GATAD1: variants seen among roughly 807,000 people sequenced by gnomAD.
The protein encoded by GATAD1 is GATA zinc finger domain-containing protein 1.
In GATAD1, 12 loss-of-function variants were observed where a neutral mutation model predicts 26.5. The observed-to-expected ratio is 0.45, with a 90% CI of 0.29 to 0.73. The LOEUF (loss-of-function observed/expected upper bound fraction) is 0.73. Ranked by LOEUF, GATAD1 falls within the 30% of genes least tolerant of loss-of-function variation. GATAD1 has a pLI of 0.10. For synonymous variants in GATAD1, 129 were observed against 133.1 expected (o/e 0.97, Z 0.21); for missense variants, 266 against 342.1 (o/e 0.78, Z 1.75).
At chr7:92,493,037 G>T in the GATAD1 span, 3 of 1,611,206 alleles carry the variant, frequency 1.9e-6, no homozygotes. Flanking sequence ...CTCCAGTAAA[G>T]GAGTCAGTTA....
At position 92,447,960 on chromosome 7, in the gene GATAD1, G is replaced by A; in HGVS notation, c.231G>A (p.Gly77=). 1 of 1,224,262 alleles carries A rather than the reference G, an allele frequency of 8.2e-7. No individual in the cohort carries two copies. Among genetic ancestry groups the A allele is most frequent in the South Asian group, 4.0e-5 (1 of 24,972 alleles). The allele number at this position is 1,224,262 out of a possible 1,614,324, so 75.8% of individuals were successfully genotyped here. The change falls in exon 1 of 5, where the codon GGG becomes GGA. Residue 77 remains glycine, a synonymous_variant. Transcript: ENST00000287957. ...STSATPPQSN[G]GGGGKQSKQE... is the part of the protein sequence containing the mutation. ...CCGCCACCCCTCCGCAGAGCAACGG[G>A]GGCGGGGGCGGCAAGCAGGTGAGCT... is the stretch of plus-strand genomic sequence containing the variant.
intron 1 of GATAD1, among the ~76,000 whole-genome samples, chr7:92,448,356 C>T (rs560173297): frequency 1.3e-5 from 2 of 152,230 alleles, no homozygotes; most frequent in South Asian, 4.2e-4. Context: ...TTAAGTATTC[C>T]GTTGCAGGGG....
In GATAD1 at chr7:92,449,686, T is replaced by A. The variant is rs553638256; in HGVS notation, c.375+809T>A. 20 of 716,428 alleles carry A rather than the reference T, an allele frequency of 2.8e-5. No homozygotes were observed. The South Asian group carries it at 6.3e-4, about 22-fold the overall frequency. 44.4% of individuals were successfully genotyped at this position (716,428 alleles called of 1,614,324 possible). A position where few individuals can be genotyped will look rare whatever the true frequency, so the allele number is the denominator to read the frequency against. On this transcript the variant is annotated intron_variant, in intron 2 of 4. Transcript: ENST00000287957. ...GCAGACTATTTTCTTTTTTTTTTTT[T>A]AATTTAATTTAATGAATTTTTTTTA...
the GATAD1 span, among the ~76,000 whole-genome samples, chr7:92,479,194 G>T: frequency 4.6e-5 from 7 of 152,122 alleles, no homozygotes; most frequent in African/African-American, 1.7e-4. Context: ...CCGTGTTGTT[G>T]TCACCCCCGT....
At chr7:92,476,058 CATCT>C in the GATAD1 span, among the ~76,000 whole-genome samples, 3 of 152,160 alleles carry the variant, frequency 2.0e-5, no homozygotes, top group Non-Finnish European at 4.4e-5. Flanking sequence ...TGGGAGGAAC[CATCT>C]ATCGTCCTGT....
chr7:92,489,203 T>A, the GATAD1 span: 1 of 1,190,452 alleles, frequency 8.4e-7, no homozygotes. Flanking sequence ...CAAAATATTT[T>A]TATTTTAAAC....
At chr7:92,460,135 C>A (rs1789866130), downstream of GATAD1, among the ~76,000 whole-genome samples, 1 of 151,934 alleles carries the variant, frequency 6.6e-6, no homozygotes, top group African/African-American at 2.4e-5. Flanking sequence ...AAGTTTTCCA[C>A]TTCAGCCGTA....
rs976516793 is a variant in GATAD1 at position 92,447,816 on chromosome 7, C to T, written c.87C>T (p.Leu29=). The T allele has an allele frequency of 6.1e-6, 9 of 1,486,196 alleles. No individual in the cohort carries two copies. The highest frequency in any genetic ancestry group is 1.7e-4 in the Middle Eastern group (1 of 5,826). 92.1% of individuals were successfully genotyped at this position (1,486,196 alleles called of 1,614,324 possible). Residue 29 remains leucine, a synonymous_variant, in exon 1 of 5, where the codon CTC becomes CTT. Transcript: ENST00000287957. The stretch of plus-strand genomic sequence containing the variant: ...AGAAGGGAGCGCAGGGGGAGATCCT[C>T]TGCCATCATTGCACTGGCCGGGGCG... The part of the protein sequence containing the change: ...MWKKGAQGEI[L]CHHCTGRGGA...
At chr7:92,462,920 G>A (rs1789974229), downstream of GATAD1, 2 of 152,214 alleles carry the variant, frequency 1.3e-5, no homozygotes, top group African/African-American at 4.8e-5. Context: ...ATGAATGTGT[G>A]TTGTTTAAAC....
At position 92,448,878 on chromosome 7, in the gene GATAD1, G is replaced by A; in HGVS notation, c.375+1G>A. The A allele has an allele frequency of 6.2e-7, 1 of 1,611,596 alleles. No homozygotes were observed. The highest frequency in any genetic ancestry group is 1.3e-5 in the African/African-American group (1 of 75,008). ...AAGACATATATTTAAATTGAAAAATGTAAGATATTTGTGGACAGTGCCTTT... is the reference window on the plus strand; with the variant it reads ...AAGACATATATTTAAATTGAAAAATATAAGATATTTGTGGACAGTGCCTTT... On this transcript the variant is annotated splice_donor_variant, in intron 2 of 4. Coordinates refer to ENST00000287957, the MANE Select transcript of GATAD1 (RefSeq NM_021167.5). LOFTEE classifies it high-confidence loss of function.
At chr7:92,469,085 G>A in the GATAD1 span, 13 of 703,038 alleles carry the variant, frequency 1.8e-5, no homozygotes, top group East Asian at 8.0e-5. Context: ...CCAGTGTTTC[G>A]AAGCTCCTCT....
chr7:92,477,340 A>G, the GATAD1 span: 1 of 152,296 alleles, frequency 6.6e-6, no homozygotes, highest in Admixed American at 6.5e-5. Flanking sequence ...CTAAGGAAGG[A>G]TAGGACAGAA....
At chr7:92,461,697 G>T (rs529762311), downstream of GATAD1, among the ~76,000 whole-genome samples, 1 of 152,178 alleles carries the variant, frequency 6.6e-6, no homozygotes, top group Non-Finnish European at 1.5e-5. Context: ...GAATAAAATG[G>T]GAGAAACAGC....
chr7:92,487,394 T>C, the GATAD1 span: 1 of 848,914 alleles, frequency 1.2e-6, no homozygotes, highest in Non-Finnish European at 2.0e-6. Flanking sequence ...ATTTTTTTCC[T>C]GTTACAACAT....
chr7:92,465,817 A>G, the GATAD1 span, among the ~76,000 whole-genome samples: 1 of 151,978 alleles, frequency 6.6e-6, no homozygotes, highest in Non-Finnish European at 1.5e-5. Context: ...CCTGGTCAAC[A>G]TGGTGAAACC....
intron 3 of GATAD1, among the ~76,000 whole-genome samples, chr7:92,453,721 T>A (rs938401964): frequency 2.0e-5 from 3 of 152,200 alleles, no homozygotes; most frequent in African/African-American, 7.2e-5. Context: ...GAGGGTGGCA[T>A]GTAGAATGCA....
the GATAD1 span, chr7:92,489,608 T>TTTC: frequency 1.8e-6 from 2 of 1,127,802 alleles, no homozygotes; most frequent in Non-Finnish European, 2.6e-6. Context: ...TTCTGGTCCC[T>TTTC]TGTTTATAAA....
At chr7:92,478,451 C>T in the GATAD1 span, among the ~76,000 whole-genome samples, 215 of 152,180 alleles carry the variant, frequency 1.4e-3, no homozygotes, top group African/African-American at 4.9e-3. Flanking sequence ...ATGTTACAAT[C>T]GAAATGGGCT....
At chr7:92,484,093 A>T in the GATAD1 span, among the ~76,000 whole-genome samples, 9 of 152,198 alleles carry the variant, frequency 5.9e-5, no homozygotes, top group African/African-American at 2.2e-4. Flanking sequence ...CACAAAAATT[A>T]TCTAGATCTT....
Sources: gnomAD v4.1 joint callset for allele counts (sites outside exome capture counted in the v4.1 genomes callset) on GRCh38, gnomAD v4.1.1 for gene constraint, MANE v1.5 for transcripts, NCBI Gene and HGNC (gene_info 2026-07-23, HGNC 2026-07-21) for gene names.